Variants in LIN52 observed in about 807,000 individuals in gnomAD.
LIN52 encodes lin-52 DREAM MuvB core complex component, also known as protein lin-52 homolog.
Under a neutral mutation model 18.5 loss-of-function variants are expected in LIN52, and 4 were observed. That is an observed-to-expected ratio of 0.22 (90% CI 0.11 to 0.49). The LOEUF (loss-of-function observed/expected upper bound fraction) is 0.49. Among genes scored for constraint, LIN52 ranks in the 20% least tolerant of loss-of-function variants. The pLI is 0.97. For missense variants in LIN52, 102 were observed against 139.5 expected (o/e 0.73, Z 1.35); for synonymous variants, 34 against 45.5 (o/e 0.75, Z 1.02).
intron 5 of LIN52, among the ~76,000 whole-genome samples, chr14:74,130,286 T>TTTTGTTTTTTTG (rs1433313404): frequency 3.9e-5 from 5 of 128,786 alleles, no homozygotes; most frequent in East Asian, 2.2e-4. Context: ...TGGTTTTTTT[T>TTTTGTTTTTTTG]TTTTTTTTTT....
intron 5 of LIN52, among the ~76,000 whole-genome samples, chr14:74,163,430 C>T (rs773134439): frequency 2.8e-4 from 42 of 152,130 alleles, no homozygotes; most frequent in Non-Finnish European, 5.0e-4. Flanking sequence ...AGTTGTCTCT[C>T]GCTCTCTAGA....
At chr14:74,125,611 C>T (rs1317971445) in intron 5 of LIN52, among the ~76,000 whole-genome samples, 1 of 151,932 alleles carries the variant, frequency 6.6e-6, no homozygotes, top group African/African-American at 2.4e-5. Context: ...CGGCACTATT[C>T]ACAATAGCAA....
intron 5 of LIN52, among the ~76,000 whole-genome samples, chr14:74,168,360 T>G (rs1302953079): frequency 6.6e-6 from 1 of 152,180 alleles, no homozygotes; most frequent in Non-Finnish European, 1.5e-5. Context: ...AATTAGTAAG[T>G]GTTCTGATAG....
intron 5 of LIN52, among the ~76,000 whole-genome samples, chr14:74,119,923 C>G (rs1309763663): frequency 6.6e-6 from 1 of 151,658 alleles, no homozygotes; most frequent in African/African-American, 2.4e-5. Context: ...GCAATGTCTA[C>G]CTCCTGGGTT....
intron 5 of LIN52, among the ~76,000 whole-genome samples, chr14:74,105,377 A>C (rs1453710394): frequency 1.3e-5 from 2 of 152,184 alleles, no homozygotes; most frequent in Admixed American, 6.5e-5. Flanking sequence ...ATTATCTTCT[A>C]CCTCAAAATT....
Position 74,091,319 on chromosome 14 carries a change from CT to C in LIN52, c.94+15del. 2 of 1,588,136 alleles carry C rather than the reference CT, an allele frequency of 1.3e-6. No homozygotes were observed. Among genetic ancestry groups the C allele is most frequent in the Non-Finnish European group, 1.7e-6 (2 of 1,158,476 alleles). On this transcript the variant is annotated intron_variant, in intron 2 of 5. Coordinates refer to ENST00000555028, the MANE Select transcript of LIN52 (RefSeq NM_001024674.3). ...TGGCCAGAACAATGTAAGTTTTTGC[CT>C]TCTTTATATCAGAGTCAATGCAGGA...
At chr14:74,091,457 T>C (rs1418186411) in intron 2 of LIN52, 151 bp downstream of exon 2, 14 of 566,366 alleles carry the variant, frequency 2.5e-5, no homozygotes, top group Non-Finnish European at 3.7e-5. Flanking sequence ...CAAACTTTAG[T>C]GACACTAACG....
intron 5 of LIN52, among the ~76,000 whole-genome samples, chr14:74,130,295 T>TTTTTTTTTTTTTTTTTTTTTTTTTA (rs1315000657): frequency 7.1e-6 from 1 of 140,278 alleles, no homozygotes. Context: ...TTTTTTTTTT[T>TTTTTTTTTTTTTTTTTTTTTTTTTA]TGAGACAGTC....
rs1271838652 is a variant in LIN52, at chr14:74,089,190, AG to A, written c.20-2041del. 2.6e-5 allele frequency among the ~76,000 whole-genome samples: 4 copies of A among 152,160 alleles called. No individual in the cohort carries two copies. In the East Asian group the frequency reaches 7.7e-4, roughly 29 times the overall value. Reference sequence around the variant, plus strand: ...TGATTTCAGGGTGTATTCTGAAGGTAGAAACGACTAGATTTACTCATGGATT... The same window carrying A: ...TGATTTCAGGGTGTATTCTGAAGGTAAAACGACTAGATTTACTCATGGATT... On this transcript the variant is annotated intron_variant, in intron 1 of 5. Coordinates refer to ENST00000555028, the MANE Select transcript of LIN52 (RefSeq NM_001024674.3).
intron 4 of LIN52, among the ~76,000 whole-genome samples, chr14:74,098,942 C>A (rs755221946): frequency 1.3e-5 from 2 of 152,184 alleles, no homozygotes; most frequent in Admixed American, 6.5e-5. Flanking sequence ...TATTAAATGA[C>A]AACCTCTTAG....
chr14:74,135,520 C>A lies in LIN52; in HGVS notation c.283+34282C>A, dbSNP rs181100375. 3.5e-3 allele frequency among the ~76,000 whole-genome samples: 524 copies of A among 151,552 alleles called. 5 individuals carry two copies. Among genetic ancestry groups the A allele is most frequent in the African/African-American group, 0.012 (499 of 41,192 alleles). On this transcript the variant is annotated intron_variant, in intron 5 of 5. Transcript: ENST00000555028. ...CCATAAGTTCTCGTCTGCTTACATT[C>A]CTTTTTGACTGCAACTGACCATAGC... is the stretch of plus-strand genomic sequence containing the variant.
intron 1 of LIN52, 57 bp downstream of exon 1, chr14:74,085,050 C>T (rs2060715653): frequency 7.6e-7 from 1 of 1,310,304 alleles, no homozygotes; most frequent in Non-Finnish European, 9.9e-7. Flanking sequence ...CTACTGGGAA[C>T]ATCCACTCTG....
intron 5 of LIN52, among the ~76,000 whole-genome samples, chr14:74,180,932 G>T: frequency 6.6e-6 from 1 of 151,732 alleles, no homozygotes; most frequent in Non-Finnish European, 1.5e-5. Context: ...AACGTAGTGA[G>T]ACCCTGTCTA....
chr14:74,126,423 G>A (rs2061030471), intron 5 of LIN52, among the ~76,000 whole-genome samples: 1 of 152,098 alleles, frequency 6.6e-6, no homozygotes, highest in Middle Eastern at 3.2e-3. Flanking sequence ...TCAAACAAAT[G>A]CTTCTACACA....
intron 5 of LIN52, among the ~76,000 whole-genome samples, chr14:74,173,042 GC>G (rs2061278271): frequency 6.6e-6 from 1 of 152,000 alleles, no homozygotes; most frequent in African/African-American, 2.4e-5. Context: ...TTCAAGTGTA[GC>G]ACAATACTGA....
chr14:74,193,447 T>C (rs957233859), intron 5 of LIN52, among the ~76,000 whole-genome samples: 3 of 152,058 alleles, frequency 2.0e-5, no homozygotes, highest in Admixed American at 1.3e-4. Context: ...CCATACCTTG[T>C]TAAATTTGAG....
In LIN52 at chr14:74,201,188, T is replaced by C. The variant is rs774703706; in HGVS notation, c.*2211T>C. On this transcript the variant is annotated 3_prime_UTR_variant, in exon 6 of 6. Transcript: ENST00000555028. ...TTCAGGATGTTATAGTATTGTACTT[T>C]GTATGTGATGGTTTTTGTGTCTTCA... The C allele has an allele frequency of 2.0e-5, 3 of 152,244 alleles. No individual in the cohort carries two copies. The highest frequency in any genetic ancestry group is 2.1e-4 in the South Asian group (1 of 4,832). 9.4% of individuals were successfully genotyped at this position (152,244 alleles called of 1,614,324 possible).
chr14:74,105,628 T>C (rs964047149), intron 5 of LIN52, among the ~76,000 whole-genome samples: 1 of 152,096 alleles, frequency 6.6e-6, no homozygotes, highest in Non-Finnish European at 1.5e-5. Context: ...AGGGGTTGGC[T>C]TTTACTTGAC....
intron 1 of LIN52, among the ~76,000 whole-genome samples, chr14:74,086,003 A>G (rs1206027455): frequency 6.6e-6 from 1 of 151,790 alleles, no homozygotes; most frequent in Non-Finnish European, 1.5e-5. Flanking sequence ...TGACTCAAAC[A>G]TATAAACATT....
Sources: gnomAD v4.1 joint callset for allele counts (sites outside exome capture counted in the v4.1 genomes callset) on GRCh38, gnomAD v4.1.1 for gene constraint, MANE v1.5 for transcripts, NCBI Gene and HGNC (gene_info 2026-07-23, HGNC 2026-07-21) for gene names.